The following DPYD variants were observed in gnomAD, a reference collection of about 807,000 sequenced individuals.
DPYD encodes dihydropyrimidine dehydrogenase, also known as dihydropyrimidine dehydrogenase [NADP(+)].
DPYD carries 109 observed loss-of-function variants against 116.2 expected under a neutral mutation model. That is an observed-to-expected ratio of 0.94 (90% CI 0.80 to 1.10). The LOEUF (loss-of-function observed/expected upper bound fraction) is 1.10. DPYD is among the 50% of genes least tolerant of loss of function. The pLI, the probability that DPYD is intolerant of heterozygous loss-of-function variation, is 0.00. For synonymous variants in DPYD, 440 were observed against 432.0 expected (o/e 1.02, Z -0.23); for missense variants, 1,302 against 1,254.5 (o/e 1.04, Z -0.57).
intron 8 of DPYD, among the ~76,000 whole-genome samples, chr1:97,653,681 T>C (rs1658726087): frequency 6.6e-6 from 1 of 152,174 alleles, no homozygotes; most frequent in African/African-American, 2.4e-5. Context: ...TTTTATATTT[T>C]CATGAGACCA....
chr1:97,459,581 G>T (rs1012959163), intron 13 of DPYD, among the ~76,000 whole-genome samples: 1 of 152,078 alleles, frequency 6.6e-6, no homozygotes, highest in Non-Finnish European at 1.5e-5. Context: ...TCACTTCTTG[G>T]CAGTACCAAT....
At chr1:97,604,266 C>T (rs1655442244) in intron 8 of DPYD, among the ~76,000 whole-genome samples, 2 of 152,150 alleles carry the variant, frequency 1.3e-5, no homozygotes, top group East Asian at 1.9e-4. Context: ...AACTTTAAGC[C>T]TCAGTTTCCT....
At chr1:97,664,313 T>C (rs1326287189) in intron 8 of DPYD, among the ~76,000 whole-genome samples, 3 of 151,938 alleles carry the variant, frequency 2.0e-5, no homozygotes, top group Non-Finnish European at 4.4e-5. Flanking sequence ...TGTGTGTGTA[T>C]GTGCATATAT....
chr1:97,454,832 A>G (rs555394946), intron 13 of DPYD, among the ~76,000 whole-genome samples: 15 of 152,056 alleles, frequency 9.9e-5, no homozygotes, highest in African/African-American at 3.6e-4. Flanking sequence ...CAAAAAGAAA[A>G]CTTTGCAGAA....
intron 2 of DPYD, among the ~76,000 whole-genome samples, chr1:97,834,105 AC>A (rs1669655056): frequency 6.6e-6 from 1 of 152,106 alleles, no homozygotes; most frequent in Non-Finnish European, 1.5e-5. Flanking sequence ...AACGGAAGTT[AC>A]AAATATAATC....
At chr1:97,354,420 T>C (rs1343371055) in intron 16 of DPYD, among the ~76,000 whole-genome samples, 1 of 151,494 alleles carries the variant, frequency 6.6e-6, no homozygotes, top group Non-Finnish European at 1.5e-5. Flanking sequence ...CAAAAAATGC[T>C]CATTCTTAAA....
chr1:97,540,990 G>A (rs1412628301), intron 12 of DPYD, among the ~76,000 whole-genome samples: 3 of 152,114 alleles, frequency 2.0e-5, no homozygotes, highest in African/African-American at 7.2e-5. Context: ...TCTCTATTTG[G>A]TGCTTTTGTA....
At chr1:97,380,611 G>A (rs1298535371) in intron 15 of DPYD, among the ~76,000 whole-genome samples, 1 of 152,124 alleles carries the variant, frequency 6.6e-6, no homozygotes, top group African/African-American at 2.4e-5. Context: ...ATAAACTTAA[G>A]GTTTAGTATA....
chr1:97,780,066 A>T (rs12073005), intron 3 of DPYD, among the ~76,000 whole-genome samples: 4,905 of 152,276 alleles, frequency 0.032, 265 homozygotes, highest in African/African-American at 0.11. Flanking sequence ...TTATAATTAC[A>T]TTTAATGCAG....
At chr1:97,227,874 A>G (rs1455429168) in intron 19 of DPYD, among the ~76,000 whole-genome samples, 1 of 152,042 alleles carries the variant, frequency 6.6e-6, no homozygotes, top group Admixed American at 6.5e-5. Flanking sequence ...GTGAGGTGAT[A>G]TACAATATTT....
intron 3 of DPYD, among the ~76,000 whole-genome samples, chr1:97,824,288 A>T (rs1334762365): frequency 6.6e-6 from 1 of 152,106 alleles, no homozygotes; most frequent in Non-Finnish European, 1.5e-5. Flanking sequence ...TAGTTTTCTA[A>T]GAAAGTAAGT....
chr1:97,434,015 A>G (rs916784362), intron 14 of DPYD, among the ~76,000 whole-genome samples: 1 of 152,132 alleles, frequency 6.6e-6, no homozygotes, highest in Non-Finnish European at 1.5e-5. Context: ...CCCAAGAGCC[A>G]TAACTAAATT....
intron 7 of DPYD, 111 bp from the exon 8 acceptor site, chr1:97,679,293 T>C (rs1571177648): frequency 3.3e-6 from 2 of 599,062 alleles, no homozygotes; most frequent in East Asian, 5.8e-5. Context: ...TGAGATTCCA[T>C]ATAAAATGTG....
intron 4 of DPYD, among the ~76,000 whole-genome samples, chr1:97,724,002 C>G (rs986013055): frequency 6.6e-6 from 1 of 151,502 alleles, no homozygotes; most frequent in Non-Finnish European, 1.5e-5. Context: ...TGGTTTATAT[C>G]AAAATATACC....
chr1:97,515,559 T>C (rs1336989659), intron 13 of DPYD, among the ~76,000 whole-genome samples, 167 bp downstream of exon 13: 2 of 151,578 alleles, frequency 1.3e-5, no homozygotes, highest in African/African-American at 2.4e-5. Context: ...CCTTCTTCCA[T>C]GGGACAGAAA....
intron 8 of DPYD, among the ~76,000 whole-genome samples, chr1:97,612,964 T>C (rs1357169551): frequency 6.6e-6 from 1 of 152,046 alleles, no homozygotes; most frequent in Non-Finnish European, 1.5e-5. Flanking sequence ...CTGATTATTA[T>C]AGAGTTTTGA....
intron 8 of DPYD, among the ~76,000 whole-genome samples, chr1:97,669,447 T>C (rs1476988810): frequency 6.6e-6 from 1 of 152,050 alleles, no homozygotes; most frequent in Non-Finnish European, 1.5e-5. Context: ...TTTGGGAAGG[T>C]GGGAACAATA....
intron 1 of DPYD, among the ~76,000 whole-genome samples, chr1:97,887,764 C>T (rs1025618623): frequency 6.6e-6 from 1 of 152,050 alleles, no homozygotes; most frequent in Non-Finnish European, 1.5e-5. Flanking sequence ...TTCCCATAAT[C>T]CCCATGTGGT....
intron 16 of DPYD, among the ~76,000 whole-genome samples, chr1:97,307,637 T>C (rs1667251089): frequency 6.6e-6 from 1 of 151,926 alleles, no homozygotes; most frequent in Non-Finnish European, 1.5e-5. Flanking sequence ...TTTAGAACAG[T>C]AATTTCTTCA....
Sources: gnomAD v4.1 joint callset for allele counts (sites outside exome capture counted in the v4.1 genomes callset) on GRCh38, gnomAD v4.1.1 for gene constraint, MANE v1.5 for transcripts, NCBI Gene and HGNC (gene_info 2026-07-23, HGNC 2026-07-21) for gene names.